LPP: variants seen among roughly 807,000 people sequenced by gnomAD.
LPP encodes lipoma-preferred partner.
Under a neutral mutation model 60.4 loss-of-function variants are expected in LPP, and 38 were observed. The observed-to-expected ratio is 0.63, with a 90% CI of 0.49 to 0.83. LPP has a LOEUF of 0.83. Among genes scored for constraint, LPP ranks in the 40% least tolerant of loss-of-function variants. The probability of loss-of-function intolerance (pLI) is 0.00; values close to 1 mark genes in which losing one functional copy is unlikely to be tolerated. For missense variants in LPP, 902 were observed against 783.6 expected, an observed-to-expected ratio of 1.15 and a Z score of -1.80; for synonymous variants, 328 against 290.8, an observed-to-expected ratio of 1.13 and a Z score of -1.30.
intron 2 of LPP, among the ~76,000 whole-genome samples, chr3:188,316,131 AGCC>A (rs1328641526): frequency 6.6e-6 from 1 of 152,158 alleles, no homozygotes; most frequent in East Asian, 1.9e-4. Flanking sequence ...CAAAAAAACC[AGCC>A]AGGCATGGTG....
intron 7 of LPP, among the ~76,000 whole-genome samples, chr3:188,693,636 G>A (rs979003067): frequency 2.0e-5 from 3 of 152,136 alleles, no homozygotes; most frequent in Non-Finnish European, 2.9e-5. Context: ...CAAAGGGATG[G>A]CACCAGCGCA....
chr3:188,843,864 A>C (rs1760787217), intron 9 of LPP, among the ~76,000 whole-genome samples: 1 of 151,372 alleles, frequency 6.6e-6, no homozygotes, highest in African/African-American at 2.4e-5. Flanking sequence ...CATTTCTGTG[A>C]GGAAGTATCC....
At chr3:188,836,507 G>A (rs891592816) in intron 9 of LPP, among the ~76,000 whole-genome samples, 1 of 152,166 alleles carries the variant, frequency 6.6e-6, no homozygotes, top group African/African-American at 2.4e-5. Flanking sequence ...GGCATCCGTG[G>A]TCAGATTCTT....
intron 9 of LPP, among the ~76,000 whole-genome samples, chr3:188,778,074 A>G (rs1324588726): frequency 1.3e-5 from 2 of 152,184 alleles, no homozygotes; most frequent in Non-Finnish European, 2.9e-5. Flanking sequence ...CCTTATTTCC[A>G]AGTATCTTAT....
chr3:188,724,609 C>T (rs1222080930), intron 8 of LPP, among the ~76,000 whole-genome samples: 3 of 152,044 alleles, frequency 2.0e-5, no homozygotes, highest in South Asian at 2.1e-4. Context: ...GATTTCTGAC[C>T]GTAATTTTTT....
chr3:188,429,622 T>C (rs1427271755), intron 4 of LPP, among the ~76,000 whole-genome samples: 1 of 152,180 alleles, frequency 6.6e-6, no homozygotes, highest in African/African-American at 2.4e-5. Flanking sequence ...CCTTATAAAT[T>C]GCAAAAAACA....
At chr3:188,443,265 C>T (rs1794470829) in intron 4 of LPP, among the ~76,000 whole-genome samples, 2 of 152,174 alleles carry the variant, frequency 1.3e-5, no homozygotes, top group African/African-American at 2.4e-5. Flanking sequence ...TTCCTGCTTG[C>T]CATTGAAAAT....
chr3:188,609,886 C>G lies in LPP; in HGVS notation c.1113+42C>G. Reference sequence around the variant, plus strand: ...CATAAGGAGGAGAATACAGGGGTGCCTATCTTAGTCTGCCTTCCCCAGGAA... The same window carrying G: ...CATAAGGAGGAGAATACAGGGGTGCGTATCTTAGTCTGCCTTCCCCAGGAA... On this transcript the variant is annotated intron_variant, in intron 7 of 11. Transcript: ENST00000617246. The surrounding 1 kb of genome is among the most constrained non-coding windows in gnomAD (Gnocchi z 6.9). The G allele has an allele frequency of 6.5e-7, 1 of 1,539,724 alleles. No homozygotes were observed. Among genetic ancestry groups the G allele is most frequent in the Non-Finnish European group, 8.7e-7 (1 of 1,143,964 alleles).
intron 8 of LPP, among the ~76,000 whole-genome samples, chr3:188,752,660 T>C (rs1002215790): frequency 6.6e-6 from 1 of 152,194 alleles, no homozygotes; most frequent in Admixed American, 6.5e-5. Flanking sequence ...ATAGGGTATA[T>C]GTTGCCCAAC....
intron 6 of LPP, among the ~76,000 whole-genome samples, chr3:188,607,417 A>ATTTT (rs71169012): frequency 4.8e-4 from 18 of 37,708 alleles, no homozygotes; most frequent in African/African-American, 1.2e-3. Context: ...ATATATATAT[A>ATTTT]ATTTTTTTTT....
chr3:188,253,053 G>A (rs1322028479), intron 2 of LPP, among the ~76,000 whole-genome samples: 15 of 150,434 alleles, frequency 1.0e-4, no homozygotes, highest in Admixed American at 6.6e-4. Flanking sequence ...GATTACAGGC[G>A]TGAGCCACTG....
At chr3:188,327,159 C>G (rs565455358) in intron 2 of LPP, among the ~76,000 whole-genome samples, 1 of 152,264 alleles carries the variant, frequency 6.6e-6, no homozygotes, top group African/African-American at 2.4e-5. Context: ...TGGCCAAAGA[C>G]TGATTCTTCT....
intron 9 of LPP, among the ~76,000 whole-genome samples, chr3:188,789,194 G>A (rs913565110): frequency 1.3e-5 from 2 of 152,084 alleles, no homozygotes; most frequent in South Asian, 2.1e-4. Flanking sequence ...ACCATATAGT[G>A]TAAACATAAC....
At chr3:188,548,534 C>A (rs1346682439) in intron 6 of LPP, among the ~76,000 whole-genome samples, 3 of 152,172 alleles carry the variant, frequency 2.0e-5, no homozygotes, top group African/African-American at 7.2e-5. Context: ...GGTGCTTACT[C>A]TCTTTTTATC....
At chr3:188,276,292 T>G (rs1262568772) in intron 2 of LPP, among the ~76,000 whole-genome samples, 2 of 152,188 alleles carry the variant, frequency 1.3e-5, no homozygotes, top group Non-Finnish European at 2.9e-5. Context: ...TGCTTCATCA[T>G]GTGGCGATGA....
chr3:188,293,592 C>T (rs1746776984), intron 2 of LPP, among the ~76,000 whole-genome samples: 1 of 152,124 alleles, frequency 6.6e-6, no homozygotes, highest in South Asian at 2.1e-4. Context: ...TCTATCAAAA[C>T]ACTTGCTATT....
chr3:188,678,169 GC>G (rs1243878845), intron 7 of LPP, among the ~76,000 whole-genome samples: 1 of 152,134 alleles, frequency 6.6e-6, no homozygotes, highest in Non-Finnish European at 1.5e-5. Context: ...TGCCAGCAAA[GC>G]CCCTCTTTGA....
chr3:188,436,265 G>A (rs1390806331), intron 4 of LPP, among the ~76,000 whole-genome samples: 1 of 152,168 alleles, frequency 6.6e-6, no homozygotes, highest in East Asian at 1.9e-4. Context: ...GGGAGATAAG[G>A]TGGATCATCT....
chr3:188,849,313 A>C (rs542550393), intron 9 of LPP, among the ~76,000 whole-genome samples: 28 of 151,568 alleles, frequency 1.8e-4, no homozygotes, highest in Admixed American at 2.6e-4. Context: ...CCATGTACTT[A>C]GCTACAATTT....
Sources: gnomAD v4.1 joint callset for allele counts (sites outside exome capture counted in the v4.1 genomes callset) on GRCh38, gnomAD v4.1.1 for gene constraint, Gnocchi (gnomAD v3.1) non-coding constraint, MANE v1.5 for transcripts, NCBI Gene and HGNC (gene_info 2026-07-23, HGNC 2026-07-21) for gene names.